UAP1: variants seen among roughly 807,000 people sequenced by gnomAD.
UAP1 encodes UDP-N-acetylglucosamine pyrophosphorylase 1, also known as UDP-N-acetylhexosamine pyrophosphorylase.
A neutral mutation model predicts 58.5 loss-of-function variants in UAP1; 25 were observed. The ratio of observed to expected loss-of-function variants is 0.43; its 90% CI spans 0.31 to 0.60. The LOEUF (loss-of-function observed/expected upper bound fraction) is 0.60. Among genes scored for constraint, UAP1 ranks in the 20% least tolerant of loss-of-function variants. The pLI, the probability that UAP1 is intolerant of heterozygous loss-of-function variation, is 0.11. For missense variants in UAP1, 575 were observed against 630.0 expected (o/e 0.91, Z 0.93); for synonymous variants, 208 against 213.0 (o/e 0.98, Z 0.21).
chr1:162,595,188 T>C (rs1655545266), intron 9 of UAP1, among the ~76,000 whole-genome samples: 1 of 152,208 alleles, frequency 6.6e-6, no homozygotes, highest in Non-Finnish European at 1.5e-5. Context: ...GTAGCTTCTG[T>C]TTTCCCTCCT....
At chr1:162,600,698 A>T (rs1655867305), downstream of UAP1, among the ~76,000 whole-genome samples, 1 of 139,260 alleles carries the variant, frequency 7.2e-6, no homozygotes. Flanking sequence ...AATCTTACCT[A>T]TTTTTTTTTT....
rs1428668227 is a variant in UAP1 at position 162,588,685 on chromosome 1, C to A, written c.1029-8C>A. 4 of 1,594,388 alleles carry A rather than the reference C, an allele frequency of 2.5e-6. No individual in the cohort carries two copies. The highest frequency in any genetic ancestry group is 3.4e-6 in the Non-Finnish European group (4 of 1,172,644). ...CGTGATTATATCTTTTCTCCTCCTGCTTCTTAGTGTTTATGAACCTCAGTT... is the reference window on the plus strand; with the variant it reads ...CGTGATTATATCTTTTCTCCTCCTGATTCTTAGTGTTTATGAACCTCAGTT... On this transcript the variant is annotated splice_polypyrimidine_tract_variant and splice_region_variant and intron_variant, in intron 6 of 10. Coordinates refer to ENST00000271469, the Ensembl canonical transcript of UAP1.
chr1:162,576,142 G>A (rs1024236534), intron 2 of UAP1, among the ~76,000 whole-genome samples: 15 of 152,110 alleles, frequency 9.9e-5, no homozygotes, highest in Non-Finnish European at 1.3e-4. Context: ...CTGAGTTCTC[G>A]CCCATTATAC....
At chr1:162,572,865 A>G (rs1653955144) in intron 2 of UAP1, among the ~76,000 whole-genome samples, 1 of 152,220 alleles carries the variant, frequency 6.6e-6, no homozygotes, top group Non-Finnish European at 1.5e-5. Flanking sequence ...ATTATAATAT[A>G]GCATTTTATA....
intron 8 of UAP1, 59 bp downstream of exon 8, chr1:162,590,570 TTC>T (rs113405147): frequency 0.13 from 147,671 of 1,127,360 alleles, no homozygotes; most frequent in South Asian, 0.18. Flanking sequence ...CCTCTTGGAC[TTC>T]TCTCTCTCTC....
At chr1:162,566,812 A>G (rs1653542846) in intron 2 of UAP1, among the ~76,000 whole-genome samples, 1 of 152,102 alleles carries the variant, frequency 6.6e-6, no homozygotes, top group South Asian at 2.1e-4. Context: ...TTTTTAGTAT[A>G]GATAGGGTTT....
chr1:162,570,944 A>T (rs139917060), intron 2 of UAP1, among the ~76,000 whole-genome samples: 1 of 152,268 alleles, frequency 6.6e-6, no homozygotes, highest in East Asian at 1.9e-4. Context: ...TCCAGGAAGC[A>T]TTTGACCTCT....
intron 8 of UAP1, among the ~76,000 whole-genome samples, chr1:162,591,845 C>T (rs533518898): frequency 1.2e-3 from 189 of 151,726 alleles, no homozygotes; most frequent in Admixed American, 2.2e-3. Flanking sequence ...AGTGCAGTGG[C>T]GCGATCTTGG....
At chr1:162,572,819 T>C (rs1653949433) in intron 2 of UAP1, among the ~76,000 whole-genome samples, 1 of 152,212 alleles carries the variant, frequency 6.6e-6, no homozygotes, top group African/African-American at 2.4e-5. Context: ...AATGTGATTA[T>C]AGGGTGCTGT....
intron 9 of UAP1, chr1:162,597,266 A>G (rs1459739276): frequency 6.6e-6 from 1 of 152,222 alleles, no homozygotes; most frequent in Non-Finnish European, 1.5e-5. Flanking sequence ...GAGAAACTGA[A>G]TTTTAAATTT....
chr1:162,565,309 C>T (rs932368126), intron 1 of UAP1, among the ~76,000 whole-genome samples: 5 of 152,162 alleles, frequency 3.3e-5, no homozygotes, highest in African/African-American at 9.7e-5. Flanking sequence ...TGAAGTTTAA[C>T]ATTTTACTAT....
chr1:162,577,489 C>A (rs541229685), intron 3 of UAP1, among the ~76,000 whole-genome samples: 1 of 139,064 alleles, frequency 7.2e-6, no homozygotes, highest in African/African-American at 2.7e-5. Context: ...GTCTCGGTCA[C>A]CCAGGCTGGA....
At chr1:162,587,386 A>G in intron 5 of UAP1, 89 bp from the exon 6 acceptor site, 1 of 1,268,852 alleles carries the variant, frequency 7.9e-7, no homozygotes, top group Non-Finnish European at 1.1e-6. Context: ...AGTGTAAGCA[A>G]AGTTGTAAAT....
At chr1:162,579,388 C>G in intron 3 of UAP1, 40 bp from the exon 4 acceptor site, 1 of 1,411,118 alleles carries the variant, frequency 7.1e-7, no homozygotes, top group Non-Finnish European at 9.3e-7. Context: ...CCTAGTCCAC[C>G]TAGCACGGTT....
At chr1:162,587,734 A>T in intron 6 of UAP1, 66 bp downstream of exon 6, 1 of 1,493,428 alleles carries the variant, frequency 6.7e-7, no homozygotes. Context: ...GACACTTGAG[A>T]GGGATGCAGA....
At chr1:162,574,317 T>C (rs891108837) in intron 2 of UAP1, among the ~76,000 whole-genome samples, 5 of 152,152 alleles carry the variant, frequency 3.3e-5, no homozygotes, top group African/African-American at 1.2e-4. Context: ...GGTCTTGAAC[T>C]CCTGACCTCA....
chr1:162,591,471 A>G (rs1282425497), intron 8 of UAP1, among the ~76,000 whole-genome samples: 1 of 152,098 alleles, frequency 6.6e-6, no homozygotes, highest in Non-Finnish European at 1.5e-5. Flanking sequence ...CTTTTCAGCT[A>G]AATCTGTTTT....
chr1:162,580,146 C>A (rs370686669), intron 4 of UAP1, among the ~76,000 whole-genome samples: 5 of 152,084 alleles, frequency 3.3e-5, no homozygotes, highest in African/African-American at 1.2e-4. Flanking sequence ...GAATTACAGC[C>A]GTGAGCCACC....
At chr1:162,574,543 G>A (rs559370477) in intron 2 of UAP1, among the ~76,000 whole-genome samples, 36 of 152,338 alleles carry the variant, frequency 2.4e-4, no homozygotes, top group Non-Finnish European at 3.5e-4. Context: ...CACTGACTGC[G>A]TCGTCTGGCT....
Sources: gnomAD v4.1 joint callset for allele counts (sites outside exome capture counted in the v4.1 genomes callset) on GRCh38, gnomAD v4.1.1 for gene constraint, MANE v1.5 for transcripts, NCBI Gene and HGNC (gene_info 2026-07-23, HGNC 2026-07-21) for gene names.